The following ARHGEF11 variants were observed in gnomAD, a reference collection of about 807,000 sequenced individuals.
ARHGEF11 encodes the protein Rho guanine exchange factor (GEF) 11.
In ARHGEF11, 55 loss-of-function variants were observed where a neutral mutation model predicts 193.7. The observed-to-expected ratio is 0.28, with a 90% CI of 0.23 to 0.36. The LOEUF is 0.36. Ranked by LOEUF, ARHGEF11 falls within the 10% of genes least tolerant of loss-of-function variation. ARHGEF11 has a pLI of 1.00. For missense variants in ARHGEF11, 1,723 were observed against 2,005.6 expected (o/e 0.86, Z 2.69); for synonymous variants, 693 against 768.0 (o/e 0.90, Z 1.62).
rs1464408339 is a variant in ARHGEF11 at position 156,974,161 on chromosome 1, G to A, written c.583-2345C>T. On this transcript the variant is annotated intron_variant, in intron 7 of 40. Coordinates refer to ENST00000368194, the MANE Select transcript of ARHGEF11 (RefSeq NM_198236.3). ...TATAGCTTTGCAGCCTCAAACCCCT[G>A]GGCTTAAGCGGTCCTCCTACCTCAG... Among the ~76,000 whole-genome samples, 3 of 151,866 alleles carry A rather than the reference G, an allele frequency of 2.0e-5. No individual in the cohort carries two copies. The East Asian group carries it at 5.8e-4, about 29-fold the overall frequency.
chr1:156,947,778 C>T lies in ARHGEF11; in HGVS notation c.2332G>A (p.Val778Ile), dbSNP rs550473847. The change falls in exon 25 of 41, where the codon GTC becomes ATC. Residue 778 changes from valine to isoleucine, a missense_variant. Around this residue, in one of 5 missense-constraint regions of ARHGEF11, gnomAD observed 491 missense variants for 654.5 expected, o/e 0.75. Transcript: ENST00000368194. ...LTQREIDRQE[V>I]INELFVTEAS... ...TGGAGCACGTTCTCACCATTGATGA[C>T]CTCTTGCCGGTCAATCTCCCGCTGG... The T allele has an allele frequency of 6.2e-7, 1 of 1,613,162 alleles. No homozygotes were observed. The highest frequency in any genetic ancestry group is 2.2e-5 in the East Asian group (1 of 44,872).
chr1:156,954,791 C>A (rs1659705846), intron 21 of ARHGEF11, 101 bp downstream of exon 21: 19 of 989,402 alleles, frequency 1.9e-5, no homozygotes, highest in Non-Finnish European at 3.0e-5. Context: ...GGAGGAGGAA[C>A]AGGATGGGAG....
chr1:156,950,715 C>T (rs1433395400), intron 22 of ARHGEF11, among the ~76,000 whole-genome samples: 1 of 152,156 alleles, frequency 6.6e-6, no homozygotes, highest in Non-Finnish European at 1.5e-5. Flanking sequence ...ATCCACGCTG[C>T]TGCATACTGA....
intron 1 of ARHGEF11, among the ~76,000 whole-genome samples, chr1:157,037,823 G>C (rs1672229697): frequency 1.3e-5 from 2 of 151,890 alleles, no homozygotes; most frequent in Admixed American, 1.3e-4. Context: ...TTGAGGTCAG[G>C]AGTTCGAGAC....
intron 1 of ARHGEF11, among the ~76,000 whole-genome samples, chr1:157,037,785 C>T (rs962750117): frequency 2.6e-5 from 4 of 152,002 alleles, no homozygotes; most frequent in Non-Finnish European, 5.9e-5. Context: ...AATCCCAGCA[C>T]TTTGGGAGGC....
chr1:156,958,912 A>G (rs1056475128), intron 16 of ARHGEF11, 48 bp from the exon 17 acceptor site: 14 of 1,612,748 alleles, frequency 8.7e-6, no homozygotes, highest in Admixed American at 6.7e-5. Context: ...ACAAATACTC[A>G]ACAGATGGAC....
chr1:156,955,630 A>G, intron 20 of ARHGEF11, 73 bp downstream of exon 20: 3 of 1,211,710 alleles, frequency 2.5e-6, no homozygotes, highest in Non-Finnish European at 3.7e-6. Context: ...CCCTCTGCCA[A>G]CATACTGGTA....
At chr1:157,041,198 G>A (rs1023707278) in intron 1 of ARHGEF11, among the ~76,000 whole-genome samples, 1 of 152,194 alleles carries the variant, frequency 6.6e-6, no homozygotes, top group Non-Finnish European at 1.5e-5. Context: ...CAAAACTCAT[G>A]ACCACTCCTG....
At chr1:157,043,764 T>C (rs1673038235) in intron 1 of ARHGEF11, among the ~76,000 whole-genome samples, 2 of 152,244 alleles carry the variant, frequency 1.3e-5, no homozygotes, top group East Asian at 1.9e-4. Context: ...CAGACTTGCA[T>C]GGGTGCAAAG....
chr1:156,948,347 A>G lies in ARHGEF11; in HGVS notation c.2077T>C (p.Ser693Pro). 1.2e-6 allele frequency: 2 copies of G among 1,614,186 alleles called. No homozygotes were observed. The highest frequency in any genetic ancestry group is 1.7e-6 in the Non-Finnish European group (2 of 1,180,026). The change falls in exon 23 of 41, where the codon TCG becomes CCG. Residue 693 changes from serine (S) to proline (P), a missense_variant. By Grantham distance (74) the Ser-to-Pro change is moderately conservative. This residue lies in a region of ARHGEF11 where 491 missense variants were observed against 654.5 expected (regional missense o/e 0.75). Coordinates refer to ENST00000368194, the MANE Select transcript of ARHGEF11 (RefSeq NM_198236.3). The surrounding 1 kb of genome is among the most constrained non-coding windows in gnomAD (Gnocchi z 4.2). The stretch of plus-strand genomic sequence containing the variant: ...GTGGAGAGGCTGGAGGTAGAGGACG[A>G]GGCTGACTGGTGCAGGCGAGTAGCC... ...AEATRLHQSA[S>P]SSTSSLSTRS...
chr1:156,948,423 T>C lies in ARHGEF11; in HGVS notation c.2001A>G (p.Ala667=). 6.2e-7 allele frequency: 1 copy of C among 1,614,248 alleles called. No homozygotes were observed. Among genetic ancestry groups the C allele is most frequent in the Non-Finnish European group, 8.5e-7 (1 of 1,180,044 alleles). Residue 667 remains alanine (A), a synonymous_variant, in exon 23 of 41, where the codon GCA becomes GCG. Transcript: ENST00000368194. The surrounding 1 kb of genome is among the most constrained non-coding windows in gnomAD (Gnocchi z 4.2). The part of the protein sequence containing the change: ...GREEMKRSRK[A]ENVPRSRSDV... ...CACTGCGAGAGCGGGGCACGTTCTC[T>C]GCCTTTCGAGACCGTTTCATCTCTT... is the stretch of plus-strand genomic sequence containing the variant.
intron 1 of ARHGEF11, among the ~76,000 whole-genome samples, chr1:157,001,396 C>G (rs1667192284): frequency 6.6e-6 from 1 of 152,188 alleles, no homozygotes; most frequent in South Asian, 2.1e-4. Context: ...GTAGCCAGAT[C>G]CCTGCAGCTC....
At chr1:156,951,748 G>A (rs771368248) in intron 21 of ARHGEF11, 49 bp from the exon 22 acceptor site, 2 of 1,609,678 alleles carry the variant, frequency 1.2e-6, no homozygotes, top group Admixed American at 3.3e-5. Context: ...GTTCAGGGAT[G>A]GCTTCTCAGG....
intron 14 of ARHGEF11, 72 bp downstream of exon 14, chr1:156,961,605 G>T: frequency 1.5e-6 from 2 of 1,341,470 alleles, no homozygotes; most frequent in African/African-American, 1.4e-5. Context: ...TGGATGTTTT[G>T]CTTAATTTTC....
chr1:156,980,981 C>T (rs1046339533), intron 3 of ARHGEF11, among the ~76,000 whole-genome samples: 22 of 152,056 alleles, frequency 1.4e-4, no homozygotes, highest in African/African-American at 4.8e-4. Flanking sequence ...TCATTAAAGA[C>T]AACTGTTTTC....
intron 30 of ARHGEF11, 61 bp from the exon 31 acceptor site, chr1:156,944,494 G>C (rs553132027): frequency 6.5e-7 from 1 of 1,538,906 alleles, no homozygotes; most frequent in African/African-American, 1.4e-5. Flanking sequence ...GTGTTTGAGA[G>C]CCTACTGTGT....
intron 3 of ARHGEF11, among the ~76,000 whole-genome samples, chr1:156,982,470 T>C (rs1392848632): frequency 1.3e-5 from 2 of 152,166 alleles, no homozygotes; most frequent in African/African-American, 4.8e-5. Flanking sequence ...GCTGCTTTGT[T>C]ACTCTTGTGA....
At chr1:157,006,815 G>A (rs1398007700) in intron 1 of ARHGEF11, among the ~76,000 whole-genome samples, 2 of 152,218 alleles carry the variant, frequency 1.3e-5, no homozygotes, top group East Asian at 3.8e-4. Context: ...TACACTAAGT[G>A]TAATGTGCCA....
At chr1:156,996,618 A>T (rs1243964292) in intron 1 of ARHGEF11, among the ~76,000 whole-genome samples, 1 of 151,580 alleles carries the variant, frequency 6.6e-6, no homozygotes, top group Non-Finnish European at 1.5e-5. Context: ...CTAAAAATAC[A>T]AAAAATTAGC....
Sources: gnomAD v4.1 joint callset for allele counts (sites outside exome capture counted in the v4.1 genomes callset) on GRCh38, gnomAD v4.1.1 for gene constraint, gnomAD v4.1.1 regional missense constraint, Gnocchi (gnomAD v3.1) non-coding constraint, MANE v1.5 for transcripts, NCBI Gene and HGNC (gene_info 2026-07-23, HGNC 2026-07-21) for gene names.